The following COQ8A variants were observed in gnomAD, a reference collection of about 807,000 sequenced individuals.
The protein encoded by COQ8A is coenzyme Q8A.
Under a neutral mutation model 65.0 loss-of-function variants are expected in COQ8A, and 51 were observed. The ratio of observed to expected loss-of-function variants is 0.78; its 90% confidence interval spans 0.63 to 0.99. The LOEUF (loss-of-function observed/expected upper bound fraction) is 0.99. Ranked by LOEUF, COQ8A falls within the 50% of genes least tolerant of loss-of-function variation. The pLI is 0.00. For synonymous variants in COQ8A, 371 were observed against 353.2 expected, an observed-to-expected ratio of 1.05 and a Z score of -0.57; for missense variants, 940 against 875.0, an observed-to-expected ratio of 1.07 and a Z score of -0.94.
chr1:226,942,515 G>T (rs1484117855), intron 1 of COQ8A, among the ~76,000 whole-genome samples: 1 of 152,154 alleles, frequency 6.6e-6, no homozygotes, highest in East Asian at 1.9e-4. Flanking sequence ...TTTTAAAATA[G>T]GAAACATGCT....
At chr1:226,963,404 T>TA (rs1246086961) in intron 2 of COQ8A, among the ~76,000 whole-genome samples, 1 of 152,094 alleles carries the variant, frequency 6.6e-6, no homozygotes, top group African/African-American at 2.4e-5. Context: ...AGCAGATACT[T>TA]ACTGAGTCCG....
intron 5 of COQ8A, among the ~76,000 whole-genome samples, chr1:226,978,866 T>A (rs1355963166): frequency 1.7e-5 from 2 of 116,098 alleles, no homozygotes; most frequent in African/African-American, 5.9e-5. Context: ...CACACCACCT[T>A]ACACACCCTC....
intron 1 of COQ8A, chr1:226,940,714 C>G (rs1361988449): frequency 6.5e-6 from 1 of 152,676 alleles, no homozygotes; most frequent in Non-Finnish European, 1.5e-5. Context: ...ACCGCCTTCC[C>G]GCTGCCGAAT....
At chr1:226,958,936 G>C (rs1270686767) in intron 1 of COQ8A, among the ~76,000 whole-genome samples, 1 of 152,152 alleles carries the variant, frequency 6.6e-6, no homozygotes, top group Admixed American at 6.5e-5. Flanking sequence ...ATGAAGTCAC[G>C]GTGCTGATAG....
rs554947125 is a variant in COQ8A at position 226,986,112 on chromosome 1, C to T, written c.1660-341C>T. On this transcript the variant is annotated intron_variant, in intron 14 of 14. Transcript: ENST00000366777. ...GGGTGGACTCTGGCAGGCTCAGACA[C>T]GCATGGTGGGAGGCCCTGCCAGCTT... is the stretch of plus-strand genomic sequence containing the variant. Among the ~76,000 whole-genome samples the T allele has an allele frequency of 2.1e-4, 32 of 152,288 alleles. No individual in the cohort carries two copies. In the South Asian group the frequency reaches 6.0e-3, roughly 29 times the overall value.
In COQ8A at chr1:226,984,674, G is replaced by A; in HGVS notation, c.1506+19G>A. 1 of 1,605,294 alleles carries A rather than the reference G, an allele frequency of 6.2e-7. No individual in the cohort carries two copies. The highest frequency in any genetic ancestry group is 1.1e-5 in the South Asian group (1 of 90,936). Reference sequence around the variant, plus strand: ...GCACAAGGTGAGCCCCAGGGTGGGGGCACCCGCAGCCAGGCCTGAGAGCTT... The same window carrying A: ...GCACAAGGTGAGCCCCAGGGTGGGGACACCCGCAGCCAGGCCTGAGAGCTT... On this transcript the variant is annotated intron_variant, in intron 12 of 14. Coordinates refer to ENST00000366777, the MANE Select transcript of COQ8A (RefSeq NM_020247.5).
At position 226,983,017 on chromosome 1, in the gene COQ8A, G is replaced by A. The variant is rs570740109; in HGVS notation, c.1063G>A (p.Val355Met). 1.9e-6 allele frequency: 3 copies of A among 1,590,972 alleles called. No homozygotes were observed. Among genetic ancestry groups the A allele is most frequent in the Non-Finnish European group, 2.6e-6 (3 of 1,169,866 alleles). Reference protein sequence around the residue: ...HLARMKGGREVAMKIQYPGVA... With the variant: ...HLARMKGGREMAMKIQYPGVA... ...GGCCCGAATGAAGGGCGGCCGCGAG[G>A]TGGCCATGAAGATCCAGGTAGGCGG... Residue 355 changes from valine to methionine, a missense_variant, in exon 8 of 15, where the codon GTG (valine) becomes ATG (methionine). Physicochemically the swap from Val to Met is conservative, Grantham distance 21 (BLOSUM62 1). Coordinates refer to ENST00000366777, the MANE Select transcript of COQ8A (RefSeq NM_020247.5).
At chr1:226,958,307 T>A (rs1657932678) in intron 1 of COQ8A, 1 of 152,244 alleles carries the variant, frequency 6.6e-6, no homozygotes, top group East Asian at 1.9e-4. Context: ...AAAAGGGGTC[T>A]GATGAGGCAC....
In COQ8A at chr1:226,984,647, C is replaced by A. The variant is rs1659962089; in HGVS notation, c.1498C>A (p.Gln500Lys). 6.2e-7 allele frequency: 1 copy of A among 1,613,864 alleles called. No individual in the cohort carries two copies. Among genetic ancestry groups the A allele is most frequent in the African/African-American group, 1.3e-5 (1 of 74,936 alleles). The stretch of plus-strand genomic sequence containing the variant: ...GTCCAACTTCTTCTATGACCCCCAG[C>A]AGCACAAGGTGAGCCCCAGGGTGGG... The part of the protein sequence containing the change: ...NWSNFFYDPQ[Q>K]HKVALLDFGA... The change falls in exon 12 of 15, where the codon CAG becomes AAG. Residue 500 changes from glutamine (Q) to lysine (K), a missense_variant. Transcript: ENST00000366777.
rs1300361768 is a variant in COQ8A, at chr1:226,960,583, T to TTGGTGG, written c.-9-784_-9-779dup. Reference sequence around the variant, plus strand: ...TGGTACTTGGTGGTGGTGGTGGTGCTTGGTGGTGGTGGTGGCGGCAGTGGC... The same window carrying TTGGTGG: ...TGGTACTTGGTGGTGGTGGTGGTGCTTGGTGGTGGTGGTGGTGGTGGCGGCAGTGGC... On this transcript the variant is annotated intron_variant, in intron 1 of 14. Transcript: ENST00000366777. 3.3e-4 allele frequency among the ~76,000 whole-genome samples: 43 copies of TTGGTGG among 129,586 alleles called. 1 individual carries two copies. In the Middle Eastern group the frequency reaches 0.02, roughly 61 times the overall value. The allele number at this position is 129,586 out of a possible 152,430, so 85.0% of individuals were successfully genotyped here. A position where few individuals can be genotyped will look rare whatever the true frequency, so the allele number is the denominator to read the frequency against.
Position 226,965,405 on chromosome 1 carries a change from C to T in COQ8A, c.583C>T (p.Gln195Ter). 6.2e-7 allele frequency: 1 copy of T among 1,608,804 alleles called. No homozygotes were observed. Among genetic ancestry groups the T allele is most frequent in the Non-Finnish European group, 8.5e-7 (1 of 1,178,654 alleles). The change falls in exon 3 of 15, where the codon CAG becomes TAG. Residue 195 changes from glutamine to a stop codon, truncating the protein, a stop_gained. Transcript: ENST00000366777. LOFTEE classifies it high-confidence loss of function. ...TCGCCCCGAGAACAAGCAGCACAAA[C>T]AGACGGTGCGTATGGGAGGCCCCTG... is the stretch of plus-strand genomic sequence containing the variant. ...KARPENKQHKQTLSEHARERK... is the reference protein window; with the variant it reads ...KARPENKQHK
At position 226,984,611 on chromosome 1, in the gene COQ8A, G is replaced by C. The variant is rs772044296; in HGVS notation, c.1462G>C (p.Asp488His). ...GTTCGAGTTCCACTTCATGCAAACA[G>C]ACCCCAACTGGTCCAACTTCTTCTA... ...ELFEFHFMQT[D>H]PNWSNFFYDP... The change falls in exon 12 of 15, where the codon GAC (aspartate) becomes CAC (histidine). Residue 488 changes from aspartate (D) to histidine (H), a missense_variant. Transcript: ENST00000366777. 1 of 1,614,204 alleles carries C rather than the reference G, an allele frequency of 6.2e-7. No individual in the cohort carries two copies. The highest frequency in any genetic ancestry group is 8.5e-7 in the Non-Finnish European group (1 of 1,180,028).
At chr1:226,967,290 T>C (rs1658626479) in intron 4 of COQ8A, among the ~76,000 whole-genome samples, 1 of 152,192 alleles carries the variant, frequency 6.6e-6, no homozygotes, top group Non-Finnish European at 1.5e-5. Context: ...TTCCCCATGA[T>C]ATTGAGGGCA....
chr1:226,950,272 C>T (rs781355559), intron 1 of COQ8A, among the ~76,000 whole-genome samples: 2 of 152,174 alleles, frequency 1.3e-5, no homozygotes, highest in African/African-American at 2.4e-5. Flanking sequence ...TTATATCACC[C>T]CCAACCCTGC....
intron 1 of COQ8A, among the ~76,000 whole-genome samples, chr1:226,960,616 A>ATGGTGGTGGTGGTGGTGG (rs777819893): frequency 2.4e-5 from 1 of 40,902 alleles, no homozygotes; most frequent in Non-Finnish European, 5.0e-5. Flanking sequence ...GGCGGTGGTG[A>ATGGTGGTGGTGGTGGTGG]TGGTGGTGGT....
At chr1:226,942,264 T>G (rs1274980411) in intron 1 of COQ8A, among the ~76,000 whole-genome samples, 2 of 152,088 alleles carry the variant, frequency 1.3e-5, no homozygotes, top group South Asian at 2.1e-4. Context: ...GGTAGTGTTA[T>G]GCCTCCTGCC....
intron 4 of COQ8A, among the ~76,000 whole-genome samples, chr1:226,974,494 G>A (rs1659076474): frequency 6.6e-6 from 1 of 152,210 alleles, no homozygotes; most frequent in South Asian, 2.1e-4. Flanking sequence ...GGTGCCGAGT[G>A]GGGTCCCACG....
In COQ8A at chr1:226,956,078, CCACTCTCCCTGGTTCA is replaced by C. The variant is rs1558183850; in HGVS notation, c.-9-5286_-9-5271del. 4.6e-5 allele frequency among the ~76,000 whole-genome samples: 5 copies of C among 108,028 alleles called. 1 individual carries two copies. The highest frequency in any genetic ancestry group is 1.6e-4 in the African/African-American group (4 of 25,672). The allele number at this position is 108,028 out of a possible 152,430, so 70.9% of individuals were successfully genotyped here. A position where few individuals can be genotyped will look rare whatever the true frequency, so the allele number is the denominator to read the frequency against. On this transcript the variant is annotated intron_variant, in intron 1 of 14. Coordinates refer to ENST00000366777, the MANE Select transcript of COQ8A (RefSeq NM_020247.5). ...CCCTGGCTCCCACTCTCCCTGGTTC[CCACTCTCCCTGGTTCA>C]CACTCTCCCTGGCTCTCACTCTCCC...
chr1:226,951,781 A>C (rs938181218), intron 1 of COQ8A, among the ~76,000 whole-genome samples: 1 of 147,718 alleles, frequency 6.8e-6, no homozygotes, highest in Admixed American at 6.7e-5. Context: ...CCAAAAAAGA[A>C]AAAAAAAAGA....
Sources: allele counts gnomAD v4.1 joint callset (sites outside exome capture counted in the v4.1 genomes callset), GRCh38; gene constraint gnomAD v4.1.1; transcripts MANE v1.5; gene names NCBI Gene and HGNC (gene_info 2026-07-23, HGNC 2026-07-21).